SEMA3A: variants seen among roughly 807,000 people sequenced by gnomAD.
SEMA3A encodes semaphorin 3A.
Under a neutral mutation model 97.9 loss-of-function variants are expected in SEMA3A, and 29 were observed. The ratio of observed to expected loss-of-function variants is 0.30; its 90% confidence interval spans 0.22 to 0.40. The LOEUF is 0.40. SEMA3A is among the 10% of genes least tolerant of loss of function. The pLI, the probability that SEMA3A is intolerant of heterozygous loss-of-function variation, is 1.00. For missense variants in SEMA3A, 763 were observed against 951.3 expected, an observed-to-expected ratio of 0.80 and a Z score of 2.60; for synonymous variants, 321 against 323.7, an observed-to-expected ratio of 0.99 and a Z score of 0.09.
At chr7:84,413,701 A>T (rs996064281) in intron 1 of SEMA3A, among the ~76,000 whole-genome samples, 1 of 152,080 alleles carries the variant, frequency 6.6e-6, no homozygotes, top group Non-Finnish European at 1.5e-5. Flanking sequence ...AAATCAATCA[A>T]TTGAAATTGC....
intron 6 of SEMA3A, among the ~76,000 whole-genome samples, chr7:84,045,971 G>A (rs1270338096): frequency 3.4e-5 from 5 of 148,306 alleles, no homozygotes; most frequent in Non-Finnish European, 3.0e-5. Context: ...AGATGTAAAG[G>A]AAAAAAAAAA....
chr7:83,972,947 T>C (rs1055835341), intron 15 of SEMA3A, among the ~76,000 whole-genome samples: 1 of 152,162 alleles, frequency 6.6e-6, no homozygotes, highest in Non-Finnish European at 1.5e-5. Flanking sequence ...ATAAAAATCA[T>C]AGAAGTTAAT....
chr7:84,431,500 G>A (rs2116319617), intron 1 of SEMA3A, among the ~76,000 whole-genome samples: 1 of 152,010 alleles, frequency 6.6e-6, no homozygotes, highest in East Asian at 1.9e-4. Flanking sequence ...ACTCTTAAGA[G>A]TCAGATTTTA....
chr7:84,105,111 G>C (rs1384209203), intron 4 of SEMA3A, among the ~76,000 whole-genome samples: 1 of 152,080 alleles, frequency 6.6e-6, no homozygotes, highest in Non-Finnish European at 1.5e-5. Flanking sequence ...AGACTCCAAT[G>C]TAAGATCTCA....
At chr7:84,051,784 G>T (rs889320858) in intron 5 of SEMA3A, among the ~76,000 whole-genome samples, 4 of 152,076 alleles carry the variant, frequency 2.6e-5, no homozygotes, top group African/African-American at 9.6e-5. Flanking sequence ...TCCCTGTATT[G>T]TGCCAGTCTT....
At position 84,471,926 on chromosome 7, in the gene SEMA3A, G is replaced by GT. The variant is rs1174179573; in HGVS notation, c.-246+20533dup. Among the ~76,000 whole-genome samples the GT allele has an allele frequency of 1.7e-3, 254 of 145,444 alleles. 1 individual carries two copies. Among genetic ancestry groups the GT allele is most frequent in the Admixed American group, 8.0e-3 (116 of 14,466 alleles). On this transcript the variant is annotated intron_variant, in intron 1 of 3. Coordinates refer to the SEMA3A transcript ENST00000424555. Reference sequence around the variant, plus strand: ...GATCTTCAAATCATCTGACTTTCAGGTTTTTTTTTTTCTTTTGGTATCTTA... The same window carrying GT: ...GATCTTCAAATCATCTGACTTTCAGGTTTTTTTTTTTTCTTTTGGTATCTTA...
At chr7:84,110,431 G>A (rs1795241591) in intron 4 of SEMA3A, 39 bp downstream of exon 4, 1 of 1,608,244 alleles carries the variant, frequency 6.2e-7, no homozygotes, top group African/African-American at 1.3e-5. Flanking sequence ...AATAGAAAGG[G>A]GTCATGGACA....
At chr7:84,440,212 C>T (rs1417423733) in intron 1 of SEMA3A, among the ~76,000 whole-genome samples, 2 of 152,128 alleles carry the variant, frequency 1.3e-5, no homozygotes, top group East Asian at 1.9e-4. Flanking sequence ...ATCTGGAGTC[C>T]GTTGATGGCT....
At chr7:84,146,914 G>T (rs1018867599) in intron 1 of SEMA3A, among the ~76,000 whole-genome samples, 7 of 152,074 alleles carry the variant, frequency 4.6e-5, no homozygotes, top group African/African-American at 1.7e-4. Context: ...ACCTATGAGC[G>T]GTAAGCATTG....
At chr7:84,405,661 C>T (rs577564386) in intron 1 of SEMA3A, among the ~76,000 whole-genome samples, 2 of 152,152 alleles carry the variant, frequency 1.3e-5, no homozygotes, top group African/African-American at 4.8e-5. Flanking sequence ...CACTCCTCAG[C>T]AAATGTAAAA....
intron 2 of SEMA3A, among the ~76,000 whole-genome samples, chr7:84,325,852 C>A (rs1040907570): frequency 1.3e-5 from 2 of 152,052 alleles, no homozygotes; most frequent in Admixed American, 1.3e-4. Context: ...ATTTAAATCA[C>A]CAGAACTTGT....
intron 1 of SEMA3A, among the ~76,000 whole-genome samples, chr7:84,482,634 C>T (rs1364022664): frequency 6.6e-6 from 1 of 152,128 alleles, no homozygotes; most frequent in African/African-American, 2.4e-5. Flanking sequence ...CAAGTACCCA[C>T]CACATTCACA....
Position 84,296,828 on chromosome 7 carries a change from A to G in SEMA3A, c.-83+10379T>C, listed in dbSNP as rs569652871. ...ATGTCATTATTATTTTATAAAAAAA[A>G]TGTTTTTATGGCAAAATTCCAATCA... On this transcript the variant is annotated intron_variant, in intron 3 of 3. Transcript: ENST00000424555. 5.9e-5 allele frequency among the ~76,000 whole-genome samples: 9 copies of G among 152,264 alleles called. No homozygotes were observed. The East Asian group carries it at 1.7e-3, about 29-fold the overall frequency.
intron 3 of SEMA3A, among the ~76,000 whole-genome samples, chr7:84,228,594 C>T (rs553635416): frequency 8.9e-4 from 135 of 151,850 alleles, no homozygotes; most frequent in African/African-American, 3.1e-3. Context: ...TCAATTTAAA[C>T]GAATACATTT....
chr7:84,450,284 T>C (rs1805523588), intron 1 of SEMA3A, among the ~76,000 whole-genome samples: 1 of 152,118 alleles, frequency 6.6e-6, no homozygotes, highest in African/African-American at 2.4e-5. Flanking sequence ...TGCAGGAGTA[T>C]AGGGCCCCAG....
At chr7:84,296,545 C>T (rs1316564728) in intron 3 of SEMA3A, among the ~76,000 whole-genome samples, 1 of 152,080 alleles carries the variant, frequency 6.6e-6, no homozygotes, top group Admixed American at 6.6e-5. Context: ...TGTTGCTTTA[C>T]AGGGGCTTCT....
chr7:84,003,977 T>TAAG (rs1477379526), intron 11 of SEMA3A, among the ~76,000 whole-genome samples: 2 of 152,112 alleles, frequency 1.3e-5, no homozygotes, highest in African/African-American at 4.8e-5. Context: ...CCTGATAACA[T>TAAG]AAGTATTTCA....
intron 1 of SEMA3A, among the ~76,000 whole-genome samples, chr7:84,387,112 T>C (rs1277292547): frequency 1.3e-5 from 2 of 152,138 alleles, no homozygotes; most frequent in East Asian, 3.9e-4. Context: ...CAGACATCTA[T>C]TCTGTATTTG....
intron 6 of SEMA3A, among the ~76,000 whole-genome samples, chr7:84,020,399 C>T (rs1391702472): frequency 2.0e-5 from 3 of 151,030 alleles, no homozygotes; most frequent in East Asian, 1.9e-4. Context: ...TCTATAGCTT[C>T]GATTTCATCA....
Sources: allele counts gnomAD v4.1 joint callset (sites outside exome capture counted in the v4.1 genomes callset), GRCh38; gene constraint gnomAD v4.1.1; transcripts MANE v1.5; gene names NCBI Gene and HGNC (gene_info 2026-07-23, HGNC 2026-07-21).